Variants in PTGIS observed in about 807,000 individuals in gnomAD.
PTGIS encodes the protein prostaglandin I2 synthase, also known as prostacyclin synthase.
A neutral mutation model predicts 50.3 loss-of-function variants in PTGIS; 45 were observed. The ratio of observed to expected loss-of-function variants is 0.90; its 90% CI spans 0.70 to 1.15. The LOEUF (loss-of-function observed/expected upper bound fraction) is 1.15, where lower values mean the gene tolerates loss of function less well. PTGIS is among the 50% of genes most tolerant of loss of function. PTGIS has a pLI of 0.00. For missense variants in PTGIS, 668 were observed against 661.3 expected (o/e 1.01, Z -0.11); for synonymous variants, 260 against 267.7 (o/e 0.97, Z 0.28).
rs146362941 is a variant in PTGIS, at chr20:49,566,185, G to A, written c.74+1858C>T. ...GCAGAGGTTGCGGTGAGCCGAGATC[G>A]TGCCATTGCACTCCAGCCTGGGCAA... is the stretch of plus-strand genomic sequence containing the variant. On this transcript the variant is annotated intron_variant, in intron 1 of 9. Coordinates refer to ENST00000244043, the MANE Select transcript of PTGIS (RefSeq NM_000961.4). 3.2e-4 allele frequency among the ~76,000 whole-genome samples: 48 copies of A among 152,090 alleles called. 1 individual carries two copies. Among genetic ancestry groups the A allele is most frequent in the Middle Eastern group, 3.4e-3 (1 of 294 alleles).
intron 1 of PTGIS, among the ~76,000 whole-genome samples, chr20:49,565,439 TGGGA>T (rs1982872918): frequency 1.3e-5 from 2 of 151,986 alleles, no homozygotes; most frequent in African/African-American, 4.8e-5. Context: ...GAGGCTGCGG[TGGGA>T]GGATCGCTTG....
chr20:49,567,140 C>G (rs374762224), intron 1 of PTGIS, among the ~76,000 whole-genome samples: 1 of 152,152 alleles, frequency 6.6e-6, no homozygotes, highest in Admixed American at 6.5e-5. Flanking sequence ...GGGCTTCGGT[C>G]TTACCTATAA....
intron 1 of PTGIS, among the ~76,000 whole-genome samples, chr20:49,558,241 TAGCC>T (rs1300819706): frequency 6.6e-6 from 1 of 151,996 alleles, no homozygotes; most frequent in African/African-American, 2.4e-5. Context: ...ATACAAAAAT[TAGCC>T]AGGTGTGGTG....
At chr20:49,552,132 T>A (rs1002983168) in intron 1 of PTGIS, among the ~76,000 whole-genome samples, 4 of 151,838 alleles carry the variant, frequency 2.6e-5, no homozygotes, top group African/African-American at 7.3e-5. Flanking sequence ...AAACTGATTG[T>A]TTTTGTATTG....
At chr20:49,563,021 A>G (rs558953243) in intron 1 of PTGIS, among the ~76,000 whole-genome samples, 48 of 152,314 alleles carry the variant, frequency 3.2e-4, no homozygotes, top group African/African-American at 1.0e-3. Flanking sequence ...AAGAAAGCCA[A>G]TGCAGGTTAA....
intron 1 of PTGIS, among the ~76,000 whole-genome samples, chr20:49,553,062 T>A (rs1257675226): frequency 6.6e-6 from 1 of 152,134 alleles, no homozygotes; most frequent in Non-Finnish European, 1.5e-5. Context: ...CTTAAGTAAA[T>A]CTTTAACAAA....
At chr20:49,553,703 A>T (rs866818722) in intron 1 of PTGIS, among the ~76,000 whole-genome samples, 33 of 152,038 alleles carry the variant, frequency 2.2e-4, no homozygotes, top group African/African-American at 7.7e-4. Context: ...AAACAACGTA[A>T]AAAGAATAAG....
chr20:49,539,349 G>C (rs1982162620), intron 5 of PTGIS, among the ~76,000 whole-genome samples: 2 of 152,226 alleles, frequency 1.3e-5, no homozygotes. Flanking sequence ...CACTCTAAAT[G>C]TGCTGAATCA....
intron 6 of PTGIS, among the ~76,000 whole-genome samples, chr20:49,522,980 T>G (rs1173168491): frequency 6.6e-6 from 1 of 152,076 alleles, no homozygotes; most frequent in African/African-American, 2.4e-5. Context: ...GCCGAGATTA[T>G]GCCACTGCAC....
In PTGIS at chr20:49,514,424, A is replaced by G. The variant is rs764387007; in HGVS notation, c.856-29T>C. ...CAAGGAGAAGGGCCCCTGTTATGCC[A>G]TTATGAGGGCAGAGCTGACTCGTCT... is the stretch of plus-strand genomic sequence containing the variant. On this transcript the variant is annotated intron_variant, in intron 6 of 9. Transcript: ENST00000244043. 4.9e-5 allele frequency: 79 copies of G among 1,610,240 alleles called. 1 individual carries two copies. The South Asian group carries it at 8.1e-4, about 17-fold the overall frequency.
intron 3 of PTGIS, among the ~76,000 whole-genome samples, chr20:49,546,482 AGATGC>A (rs1982363083): frequency 2.0e-5 from 3 of 152,332 alleles, no homozygotes; most frequent in African/African-American, 4.8e-5. Flanking sequence ...ACAGTTTCCT[AGATGC>A]TCTTCCTAAC....
intron 6 of PTGIS, among the ~76,000 whole-genome samples, chr20:49,518,863 G>A (rs765320327): frequency 1.4e-4 from 21 of 152,056 alleles, no homozygotes; most frequent in South Asian, 4.2e-4. Context: ...CTATCTCAGC[G>A]GAGCTATGTG....
rs1343361636 is a variant in PTGIS, at chr20:49,531,216, C to T, written c.674-6977G>A. On this transcript the variant is annotated intron_variant, in intron 5 of 9. Coordinates refer to ENST00000244043, the MANE Select transcript of PTGIS (RefSeq NM_000961.4). Reference sequence around the variant, plus strand: ...TAAAATAATAGAAAATCTGGCAAACCCCCCAAAAATAATTTCCAGTGAAAC... The same window carrying T: ...TAAAATAATAGAAAATCTGGCAAACTCCCCAAAAATAATTTCCAGTGAAAC... Among the ~76,000 whole-genome samples, 3 of 152,090 alleles carry T rather than the reference C, an allele frequency of 2.0e-5. No individual in the cohort carries two copies. In the East Asian group the frequency reaches 5.8e-4, roughly 29 times the overall value.
At chr20:49,543,815 G>A (rs1982289998) in intron 4 of PTGIS, among the ~76,000 whole-genome samples, 1 of 152,194 alleles carries the variant, frequency 6.6e-6, no homozygotes, top group African/African-American at 2.4e-5. Flanking sequence ...CCACTGGAGT[G>A]TCAGCTGTGT....
At chr20:49,517,171 T>C (rs1414818532) in intron 6 of PTGIS, among the ~76,000 whole-genome samples, 1 of 152,238 alleles carries the variant, frequency 6.6e-6, no homozygotes, top group African/African-American at 2.4e-5. Context: ...TTCTGAGAGT[T>C]CCACCAGCAC....
chr20:49,544,424 C>T lies in PTGIS; in HGVS notation c.402G>A (p.Gln134=), dbSNP rs6067121. ...TGGTATACATGGCTTCTGTGAGTGC[C>T]TGGAGCTCTCTGTGGAGAAGAGTCC... The part of the protein sequence containing the change: ...MKLTLLHREL[Q]ALTEAMYTNL... Residue 134 remains glutamine, a synonymous_variant, in exon 4 of 10, where the codon CAG becomes CAA. Transcript: ENST00000244043. 3 of 1,614,122 alleles carry T rather than the reference C, an allele frequency of 1.9e-6. No homozygotes were observed. The Admixed American group carries it at 5.0e-5, about 27-fold the overall frequency.
chr20:49,527,042 T>C (rs1981809873), intron 5 of PTGIS, among the ~76,000 whole-genome samples: 2 of 152,188 alleles, frequency 1.3e-5, no homozygotes, highest in Non-Finnish European at 2.9e-5. Flanking sequence ...GCAGCATTAT[T>C]CACAGTAGCC....
chr20:49,566,660 A>G (rs1363449487), intron 1 of PTGIS, among the ~76,000 whole-genome samples: 1 of 152,262 alleles, frequency 6.6e-6, no homozygotes, highest in East Asian at 1.9e-4. Context: ...ACACGAATGT[A>G]AACTAACTCT....
At chr20:49,553,032 G>A (rs1019122507) in intron 1 of PTGIS, among the ~76,000 whole-genome samples, 1 of 152,048 alleles carries the variant, frequency 6.6e-6, no homozygotes, top group African/African-American at 2.4e-5. Context: ...AAGCCCAAAT[G>A]GTTTTTCAAG....
Sources: allele counts gnomAD v4.1 joint callset (sites outside exome capture counted in the v4.1 genomes callset), GRCh38; gene constraint gnomAD v4.1.1; transcripts MANE v1.5; gene names NCBI Gene and HGNC (gene_info 2026-07-23, HGNC 2026-07-21).